The following USP47 variants were observed in gnomAD, a reference collection of about 807,000 sequenced individuals.
USP47 encodes the protein ubiquitin specific peptidase 47.
A neutral mutation model predicts 165.1 loss-of-function variants in USP47; 35 were observed. The ratio of observed to expected loss-of-function variants is 0.21; its 90% CI spans 0.16 to 0.28. The LOEUF is 0.28. Ranked by LOEUF, USP47 falls within the 10% of genes least tolerant of loss-of-function variation. The pLI, the probability that USP47 is intolerant of heterozygous loss-of-function variation, is 1.00. For synonymous variants in USP47, 531 were observed against 544.5 expected, an observed-to-expected ratio of 0.98 and a Z score of 0.35; for missense variants, 1,277 against 1,607.4, an observed-to-expected ratio of 0.79 and a Z score of 3.52.
chr11:11,951,691 T>C (rs1469485006), intron 24 of USP47: 1 of 152,242 alleles, frequency 6.6e-6, no homozygotes, highest in Non-Finnish European at 1.5e-5. Context: ...ACCTCATGTA[T>C]TTCAGGCTGC....
At position 11,875,451 on chromosome 11, in the gene USP47, C is replaced by T. The variant is rs74383774; in HGVS notation, c.40-4726C>T. Among the ~76,000 whole-genome samples, 488 of 152,256 alleles carry T rather than the reference C, an allele frequency of 3.2e-3. 21 individuals are homozygous for T. In the East Asian group the frequency reaches 0.075, roughly 23 times the overall value. ...GAGACAAGATGACTTAAGAGGCAAG[C>T]ATCCCTTCAGCGGGCTCTAAAATGT... On this transcript the variant is annotated intron_variant, in intron 1 of 27. Coordinates refer to ENST00000527733, the MANE Select transcript of USP47 (RefSeq NM_001282659.2).
In USP47 at chr11:11,956,149, C is replaced by T; in HGVS notation, c.4042C>T (p.Pro1348Ser). 1 of 1,613,960 alleles carries T rather than the reference C, an allele frequency of 6.2e-7. No individual in the cohort carries two copies. Among genetic ancestry groups the T allele is most frequent in the Non-Finnish European group, 8.5e-7 (1 of 1,179,960 alleles). The change falls in exon 28 of 28, where the codon CCA becomes TCA. Residue 1348 changes from proline to serine, a missense_variant. By Grantham distance (74) the Pro-to-Ser change is moderately conservative. Coordinates refer to ENST00000527733, the MANE Select transcript of USP47 (RefSeq NM_001282659.2). ...KALKIYLDGA[P>S]NKDLTQD ...ACTAAAAATATATCTGGATGGAGCA[C>T]CAAATAAAGATCTGACTCAAGACTG...
chr11:11,908,081 C>G (rs1245097032), intron 8 of USP47, among the ~76,000 whole-genome samples: 2 of 144,944 alleles, frequency 1.4e-5, no homozygotes, highest in Non-Finnish European at 3.1e-5. Flanking sequence ...GAGCATGACT[C>G]TGTCTCAAAA....
chr11:11,882,271 T>A (rs983119031), intron 2 of USP47, among the ~76,000 whole-genome samples: 4 of 152,174 alleles, frequency 2.6e-5, no homozygotes, highest in Non-Finnish European at 5.9e-5. Context: ...TTTTCTGTCT[T>A]AAGTTTTCCA....
Position 11,956,816 on chromosome 11 carries a change from A to G in USP47, c.*641A>G, listed in dbSNP as rs994068990. 7 of 152,566 alleles carry G rather than the reference A, an allele frequency of 4.6e-5. No individual in the cohort carries two copies. Among genetic ancestry groups the G allele is most frequent in the Admixed American group, 3.3e-4 (5 of 15,288 alleles). 9.5% of individuals were successfully genotyped at this position (152,566 alleles called of 1,614,324 possible). A position where few individuals can be genotyped will look rare whatever the true frequency, so the allele number is the denominator to read the frequency against. ...AGAACGTTTCCCTTAGACCGATCCC[A>G]GCAGGTGGCAGCTCAGATTGCTGCA... is the stretch of plus-strand genomic sequence containing the variant. On this transcript the variant is annotated 3_prime_UTR_variant, in exon 28 of 28. Coordinates refer to ENST00000527733, the MANE Select transcript of USP47 (RefSeq NM_001282659.2).
intron 11 of USP47, among the ~76,000 whole-genome samples, chr11:11,923,842 T>G (rs751797232): frequency 1.3e-5 from 2 of 152,254 alleles, no homozygotes; most frequent in Non-Finnish European, 2.9e-5. Flanking sequence ...AATAATGTAA[T>G]AAGTACATTG....
intron 1 of USP47, among the ~76,000 whole-genome samples, chr11:11,866,499 G>A (rs971311724): frequency 4.6e-5 from 7 of 152,102 alleles, no homozygotes; most frequent in East Asian, 1.9e-4. Flanking sequence ...GAAAGTTGTC[G>A]TGGTGATGAA....
At chr11:11,939,821 G>A (rs1855341733) in intron 18 of USP47, among the ~76,000 whole-genome samples, 1 of 151,864 alleles carries the variant, frequency 6.6e-6, no homozygotes, top group African/African-American at 2.4e-5. Flanking sequence ...TAAGAATTAG[G>A]TATTTATAAC....
At chr11:11,880,728 T>C (rs1158531852) in intron 2 of USP47, among the ~76,000 whole-genome samples, 1 of 152,150 alleles carries the variant, frequency 6.6e-6, no homozygotes, top group Non-Finnish European at 1.5e-5. Context: ...TAAAATCATA[T>C]TTTATGATCT....
At chr11:11,848,322 C>T (rs1434519128) in intron 1 of USP47, among the ~76,000 whole-genome samples, 1 of 152,160 alleles carries the variant, frequency 6.6e-6, no homozygotes. Context: ...TTGCCTGTTG[C>T]TCCTAGGCTA....
intron 1 of USP47, among the ~76,000 whole-genome samples, chr11:11,867,888 T>TG (rs1011935019): frequency 8.1e-5 from 11 of 135,584 alleles, no homozygotes; most frequent in African/African-American, 3.5e-4. Flanking sequence ...TGGAGTTTTG[T>TG]TTTTTTTTTA....
intron 1 of USP47, among the ~76,000 whole-genome samples, chr11:11,873,290 AGG>A (rs1309545009): frequency 1.3e-5 from 2 of 152,186 alleles, no homozygotes; most frequent in African/African-American, 4.8e-5. Flanking sequence ...TCTTGATTAT[AGG>A]TTACTTTTAT....
intron 8 of USP47, among the ~76,000 whole-genome samples, chr11:11,908,185 A>G (rs1167863376): frequency 6.6e-6 from 1 of 152,210 alleles, no homozygotes; most frequent in African/African-American, 2.4e-5. Context: ...TGTTTATTGT[A>G]TGTTTTGTTT....
intron 5 of USP47, among the ~76,000 whole-genome samples, chr11:11,900,423 G>A (rs1852148649): frequency 6.6e-6 from 1 of 152,158 alleles, no homozygotes; most frequent in Non-Finnish European, 1.5e-5. Flanking sequence ...GCCTCCCAAA[G>A]TGCTGGGATT....
intron 8 of USP47, among the ~76,000 whole-genome samples, chr11:11,914,258 A>G (rs546776183): frequency 3.9e-5 from 6 of 152,248 alleles, no homozygotes; most frequent in African/African-American, 1.4e-4. Context: ...ATCCACACAA[A>G]TATGCCTAAT....
At chr11:11,909,638 A>G (rs1287126680) in intron 8 of USP47, among the ~76,000 whole-genome samples, 2 of 152,200 alleles carry the variant, frequency 1.3e-5, no homozygotes, top group East Asian at 1.9e-4. Flanking sequence ...GTTCTAGGCC[A>G]TTTTCTTTTA....
chr11:11,914,999 G>C (rs1382814308), intron 8 of USP47, among the ~76,000 whole-genome samples: 2 of 152,080 alleles, frequency 1.3e-5, no homozygotes, highest in African/African-American at 2.4e-5. Context: ...CAGAAAAATT[G>C]AAATTTATGT....
Position 11,949,910 on chromosome 11 carries a change from G to A in USP47, c.3370G>A (p.Ala1124Thr). ...CTAGCCATGCAAGTTTCTGCTAGAT[G>A]CTGTGTTTGCTAAAGGAATGACTGT... ...EQEPCKFLLD[A>T]VFAKGMTVRQ... Residue 1124 changes from alanine to threonine, a missense_variant, in exon 23 of 28, where the codon GCT (alanine) becomes ACT (threonine). Coordinates refer to ENST00000527733, the MANE Select transcript of USP47 (RefSeq NM_001282659.2). The A allele has an allele frequency of 1.2e-6, 2 of 1,612,136 alleles. No individual in the cohort carries two copies. The highest frequency in any genetic ancestry group is 1.7e-6 in the Non-Finnish European group (2 of 1,178,926).
In USP47 at chr11:11,922,780, T is replaced by G; in HGVS notation, c.1275T>G (p.Cys425Trp). 6.2e-7 allele frequency: 1 copy of G among 1,611,678 alleles called. No individual in the cohort carries two copies. Among genetic ancestry groups the G allele is most frequent in the Non-Finnish European group, 8.5e-7 (1 of 1,178,418 alleles). The change falls in exon 11 of 28, where the codon TGT (cysteine) becomes TGG (tryptophan). Residue 425 changes from cysteine to tryptophan, a missense_variant. Coordinates refer to ENST00000527733, the MANE Select transcript of USP47 (RefSeq NM_001282659.2). ...TDSGAENEGS[C>W]HSDQMSNDFS... ...GTGGAGCAGAAAATGAAGGTAGTTGTCACAGTGATCAGATGAGCAACGATT... is the reference window on the plus strand; with the variant it reads ...GTGGAGCAGAAAATGAAGGTAGTTGGCACAGTGATCAGATGAGCAACGATT...
Sources: allele counts gnomAD v4.1 joint callset (sites outside exome capture counted in the v4.1 genomes callset), GRCh38; gene constraint gnomAD v4.1.1; transcripts MANE v1.5; gene names NCBI Gene and HGNC (gene_info 2026-07-23, HGNC 2026-07-21).